Variants in FBXL2 observed in about 807,000 individuals in gnomAD.
FBXL2 encodes the protein F-box/LRR-repeat protein 2.
A neutral mutation model predicts 69.2 loss-of-function variants in FBXL2; 38 were observed. The ratio of observed to expected loss-of-function variants is 0.55; its 90% confidence interval spans 0.42 to 0.72. The LOEUF (loss-of-function observed/expected upper bound fraction) is 0.72, where lower values mean the gene tolerates loss of function less well. Ranked by LOEUF, FBXL2 falls within the 30% of genes least tolerant of loss-of-function variation. FBXL2 has a pLI of 0.00. For synonymous variants in FBXL2, 192 were observed against 201.3 expected (o/e 0.95, Z 0.39); for missense variants, 354 against 520.3 (o/e 0.68, Z 3.11).
upstream of FBXL2, chr3:33,277,423 G>C: frequency 8.1e-7 from 1 of 1,234,412 alleles, no homozygotes; most frequent in Non-Finnish European, 1.0e-6. Flanking sequence ...TTGGGGACGG[G>C]GCGGGGCGCC....
chr3:33,295,960 A>G (rs979065369), intron 1 of FBXL2, among the ~76,000 whole-genome samples: 1 of 152,156 alleles, frequency 6.6e-6, no homozygotes, highest in African/African-American at 2.4e-5. Context: ...TAGTTTGCAT[A>G]CAAGTGCCTG....
chr3:33,288,679 C>T (rs1053083385), intron 1 of FBXL2, among the ~76,000 whole-genome samples: 1 of 152,032 alleles, frequency 6.6e-6, no homozygotes, highest in Admixed American at 6.6e-5. Flanking sequence ...ACCAGTGGGG[C>T]TGGAGTGTAG....
intron 2 of FBXL2, among the ~76,000 whole-genome samples, chr3:33,339,609 T>C (rs2039862193): frequency 6.6e-6 from 1 of 152,114 alleles, no homozygotes; most frequent in Non-Finnish European, 1.5e-5. Flanking sequence ...CTATGCTCAT[T>C]ACCTGGATGA....
chr3:33,414,687 T>G, the FBXL2 span, among the ~76,000 whole-genome samples: 4 of 152,200 alleles, frequency 2.6e-5, no homozygotes, highest in African/African-American at 9.7e-5. Context: ...CAGTCTTTGG[T>G]AGTAGCAGAC....
intron 12 of FBXL2, among the ~76,000 whole-genome samples, 182 bp from the exon 13 acceptor site, chr3:33,378,503 T>C (rs2042792126): frequency 6.6e-6 from 1 of 152,176 alleles, no homozygotes; most frequent in African/African-American, 2.4e-5. Context: ...AAGAACAGTT[T>C]TGCATCTCTA....
chr3:33,409,468 C>T, the FBXL2 span: 1 of 1,614,182 alleles, frequency 6.2e-7, no homozygotes, highest in Non-Finnish European at 8.5e-7. Context: ...TTTGATTTGG[C>T]AGCTAGCTGA....
At chr3:33,420,106 G>A in the FBXL2 span, among the ~76,000 whole-genome samples, 1 of 152,142 alleles carries the variant, frequency 6.6e-6, no homozygotes, top group African/African-American at 2.4e-5. Flanking sequence ...AGCCCAAGAT[G>A]TGACAGCCCC....
intron 13 of FBXL2, among the ~76,000 whole-genome samples, chr3:33,379,583 G>C (rs1364736881): frequency 2.0e-5 from 3 of 150,914 alleles, no homozygotes; most frequent in Non-Finnish European, 1.5e-5. Flanking sequence ...TCGAACTCCT[G>C]ACCTCAAGTG....
intron 1 of FBXL2, among the ~76,000 whole-genome samples, chr3:33,279,395 C>G (rs559839743): frequency 6.6e-6 from 1 of 152,056 alleles, no homozygotes; most frequent in Non-Finnish European, 1.5e-5. Context: ...CTCAGCCTCC[C>G]GAGTAGCTGG....
intron 2 of FBXL2, among the ~76,000 whole-genome samples, chr3:33,327,261 A>G (rs2038770439): frequency 6.6e-6 from 1 of 152,184 alleles, no homozygotes; most frequent in African/African-American, 2.4e-5. Flanking sequence ...GTTGAATGGC[A>G]TAATCAAGAT....
rs2039214823 is a variant in FBXL2, at chr3:33,332,119, A to G, written c.66-26848A>G. 2.6e-5 allele frequency among the ~76,000 whole-genome samples: 4 copies of G among 152,274 alleles called. 1 individual carries two copies. In the South Asian group the frequency reaches 8.3e-4, roughly 32 times the overall value. ...AATTAAAAAAACCTAGATACAATAT[A>G]ATAAAATAGAAGAACTCTAAAGACA... On this transcript the variant is annotated intron_variant, in intron 2 of 14. Transcript: ENST00000484457.
intron 2 of FBXL2, among the ~76,000 whole-genome samples, chr3:33,341,175 A>G (rs2125856010): frequency 6.6e-6 from 1 of 152,340 alleles, no homozygotes; most frequent in South Asian, 2.1e-4. Context: ...AGTCTTGCTC[A>G]GACAAAAAAG....
intron 2 of FBXL2, among the ~76,000 whole-genome samples, chr3:33,348,885 G>A (rs538403002): frequency 6.6e-6 from 1 of 152,068 alleles, no homozygotes; most frequent in South Asian, 2.1e-4. Context: ...ACTTGTAAAT[G>A]GGATTACTTT....
At chr3:33,372,917 C>A in intron 5 of FBXL2, 175 bp from the exon 6 acceptor site, 1 of 646,446 alleles carries the variant, frequency 1.5e-6, no homozygotes, top group Non-Finnish European at 2.8e-6. Context: ...TGCAGACTGT[C>A]GAGCCCCATT....
intron 1 of FBXL2, chr3:33,278,141 A>G (rs1254466062): frequency 6.6e-6 from 1 of 152,102 alleles, no homozygotes; most frequent in Admixed American, 6.5e-5. Flanking sequence ...TAATTAGTGC[A>G]TTGTAAACGT....
chr3:33,334,074 G>A (rs531670672), intron 2 of FBXL2, among the ~76,000 whole-genome samples: 2 of 152,112 alleles, frequency 1.3e-5, no homozygotes, highest in African/African-American at 4.8e-5. Flanking sequence ...CAGAGGGAAG[G>A]GCTTGTACTC....
intron 4 of FBXL2, among the ~76,000 whole-genome samples, chr3:33,364,079 T>C (rs1296448069): frequency 6.6e-6 from 1 of 152,224 alleles, no homozygotes; most frequent in Non-Finnish European, 1.5e-5. Context: ...TCCTCTAATA[T>C]CTCTGCCAGT....
At chr3:33,388,303 T>C (rs1396887307), downstream of FBXL2, 8 of 152,542 alleles carry the variant, frequency 5.2e-5, no homozygotes, top group East Asian at 1.3e-3. Context: ...GAAGTGACAG[T>C]AGCAGGAACT....
chr3:33,367,585 C>CT (rs74867316), intron 5 of FBXL2, among the ~76,000 whole-genome samples: 36,819 of 145,744 alleles, frequency 0.25, 5,205 homozygotes, highest in East Asian at 0.47. Flanking sequence ...TAATTGTTGT[C>CT]TTTTTTTTTT....
Sources: gnomAD v4.1 joint callset for allele counts (sites outside exome capture counted in the v4.1 genomes callset) on GRCh38, gnomAD v4.1.1 for gene constraint, MANE v1.5 for transcripts, NCBI Gene and HGNC (gene_info 2026-07-23, HGNC 2026-07-21) for gene names.